SACS: variants seen among roughly 807,000 people sequenced by gnomAD.
SACS encodes the protein sacsin molecular chaperone, also known as sacsin.
A neutral mutation model predicts 348.0 loss-of-function variants in SACS; 197 were observed. The observed-to-expected ratio is 0.57, with a 90% CI of 0.50 to 0.64. The LOEUF is 0.64. Among genes scored for constraint, SACS ranks in the 30% least tolerant of loss-of-function variants. The probability of loss-of-function intolerance (pLI) is 0.00; values close to 1 mark genes in which losing one functional copy is unlikely to be tolerated. For missense variants in SACS, 4,999 were observed against 5,360.8 expected, an observed-to-expected ratio of 0.93 and a Z score of 2.11; for synonymous variants, 1,985 against 1,910.6, an observed-to-expected ratio of 1.04 and a Z score of -1.02.
intron 1 of SACS, among the ~76,000 whole-genome samples, chr13:23,429,564 C>G (rs1281178565): frequency 6.6e-6 from 1 of 151,638 alleles, no homozygotes; most frequent in Admixed American, 6.6e-5. Context: ...GGGGTTTCAC[C>G]GTGTTAGCCA....
chr13:23,419,841 C>T (rs985498567), intron 1 of SACS, among the ~76,000 whole-genome samples: 1 of 152,136 alleles, frequency 6.6e-6, no homozygotes. Flanking sequence ...GATTTTATTG[C>T]ATTTGGCCAG....
At chr13:23,424,425 T>A (rs1874080278) in intron 1 of SACS, among the ~76,000 whole-genome samples, 1 of 151,726 alleles carries the variant, frequency 6.6e-6, no homozygotes, top group South Asian at 2.1e-4. Flanking sequence ...CTTGGGAGGC[T>A]GAGGCAGGAG....
rs1868745945 is a variant in SACS at position 23,337,494 on chromosome 13, C to A, written c.6382G>T (p.Asp2128Tyr). ...GTAGAACCATAAGGGAATCTCCCAT[C>A]TTTAATATCAAATAACTTTGCAACT... ...GRVAKLFDIKDGRFPYGSTQD... is the reference protein window; with the variant it reads ...GRVAKLFDIKYGRFPYGSTQD... Residue 2128 changes from aspartate to tyrosine, a missense_variant, in exon 10 of 10, where the codon GAT becomes TAT. Asp to Tyr is a radical substitution (Grantham distance 160, BLOSUM62 -3). Coordinates refer to ENST00000382292, the MANE Select transcript of SACS (RefSeq NM_014363.6). The A allele has an allele frequency of 1.2e-6, 2 of 1,613,760 alleles. No homozygotes were observed. Among genetic ancestry groups the A allele is most frequent in the Non-Finnish European group, 1.7e-6 (2 of 1,179,902 alleles).
intron 2 of SACS, among the ~76,000 whole-genome samples, chr13:23,380,843 G>A (rs1434671899): frequency 6.6e-6 from 1 of 152,138 alleles, no homozygotes; most frequent in Non-Finnish European, 1.5e-5. Flanking sequence ...GATGACCCGA[G>A]GGGACATGCT....
In SACS at chr13:23,333,657, G is replaced by C. The variant is rs988686236; in HGVS notation, c.10219C>G (p.Leu3407Val). 49 of 1,613,662 alleles carry C rather than the reference G, an allele frequency of 3.0e-5. No homozygotes were observed. Among genetic ancestry groups the C allele is most frequent in the Non-Finnish European group, 3.9e-5 (46 of 1,179,794 alleles). Reference sequence around the variant, plus strand: ...GATTTATAGCACGGAAGTGACTTTAGAATTTTTATATCATCTTGGGACATC... The same window carrying C: ...GATTTATAGCACGGAAGTGACTTTACAATTTTTATATCATCTTGGGACATC... ...HLMSQDDIKI[L>V]KSLPCYKSIS... Residue 3407 changes from leucine (L) to valine (V), a missense_variant, in exon 10 of 10, where the codon CTA becomes GTA. Physicochemically the swap from Leu to Val is conservative, Grantham distance 32. Coordinates refer to ENST00000382292, the MANE Select transcript of SACS (RefSeq NM_014363.6).
intron 1 of SACS, among the ~76,000 whole-genome samples, chr13:23,429,376 T>TTTG (rs1874336213): frequency 9.1e-6 from 1 of 110,346 alleles, no homozygotes; most frequent in Non-Finnish European, 1.7e-5. Flanking sequence ...TTTTTTTTTT[T>TTTG]TTTTGAGACG....
intron 2 of SACS, among the ~76,000 whole-genome samples, chr13:23,380,290 C>CT (rs1872002983): frequency 6.6e-6 from 1 of 152,150 alleles, no homozygotes; most frequent in Admixed American, 6.5e-5. Flanking sequence ...GTAGCGCCCT[C>CT]TGAGCACTGC....
In SACS at chr13:23,341,274, T is replaced by A; in HGVS notation, c.2602A>T (p.Ile868Phe). ...ACAGCACTTGGTAATGGTGAATGAA[T>A]ATATTTTTTAATAAGCGGATGTTGT... ...SIQHPLIKKYIHSPLPSAVLQ... is the reference protein window; with the variant it reads ...SIQHPLIKKYFHSPLPSAVLQ... Residue 868 changes from isoleucine to phenylalanine, a missense_variant, in exon 10 of 10, where the codon ATT (isoleucine) becomes TTT (phenylalanine). Ile to Phe is a conservative substitution (Grantham distance 21, BLOSUM62 0). This residue lies in a region of SACS where 3,156 missense variants were observed against 3,380.1 expected (regional missense o/e 0.93). Coordinates refer to ENST00000382292, the MANE Select transcript of SACS (RefSeq NM_014363.6). 1.9e-6 allele frequency: 3 copies of A among 1,613,676 alleles called. No individual in the cohort carries two copies. The highest frequency in any genetic ancestry group is 2.5e-6 in the Non-Finnish European group (3 of 1,179,692).
chr13:23,346,088 C>T (rs1308733166), intron 9 of SACS, among the ~76,000 whole-genome samples: 1 of 152,164 alleles, frequency 6.6e-6, no homozygotes, highest in Non-Finnish European at 1.5e-5. Flanking sequence ...CTGTGGTCGC[C>T]TAACTTCACA....
At position 23,331,465 on chromosome 13, in the gene SACS, G is replaced by A; in HGVS notation, c.12411C>T (p.Asp4137=). Residue 4137 remains aspartate (D), a synonymous_variant, in exon 10 of 10, where the codon GAC becomes GAT. Coordinates refer to ENST00000382292, the MANE Select transcript of SACS (RefSeq NM_014363.6). ...AAGAGTCATATTTCACTCCTAAACT[G>A]TCAAGTTTCTCACCAATCCTGTAAA... is the stretch of plus-strand genomic sequence containing the variant. ...NDIYRIGEKL[D]SLGVKYDSSE... is the part of the protein sequence containing the mutation. The A allele has an allele frequency of 6.2e-7, 1 of 1,613,994 alleles. No homozygotes were observed. The highest frequency in any genetic ancestry group is 8.5e-7 in the Non-Finnish European group (1 of 1,179,926).
At chr13:23,345,321 C>G (rs567412064) in intron 9 of SACS, among the ~76,000 whole-genome samples, 1 of 152,254 alleles carries the variant, frequency 6.6e-6, no homozygotes, top group African/African-American at 2.4e-5. Context: ...AACAACCAAA[C>G]TAAAAAAGGA....
Position 23,354,425 on chromosome 13 carries a change from A to G in SACS, c.2093+94T>C, listed in dbSNP as rs1421879646. On this transcript the variant is annotated intron_variant, in intron 8 of 9. Transcript: ENST00000382292. ...CTTCCTAACTATAAAATCGACATAGAAAACCATTGAATTTCACAACAAAGG... is the reference window on the plus strand; with the variant it reads ...CTTCCTAACTATAAAATCGACATAGGAAACCATTGAATTTCACAACAAAGG... The G allele has an allele frequency of 1.1e-5, 12 of 1,091,188 alleles. No homozygotes were observed. The Admixed American group carries it at 1.5e-4, about 13-fold the overall frequency. 67.6% of individuals were successfully genotyped at this position (1,091,188 alleles called of 1,614,324 possible).
At chr13:23,415,505 A>T (rs1316096886) in intron 1 of SACS, among the ~76,000 whole-genome samples, 1 of 152,190 alleles carries the variant, frequency 6.6e-6, no homozygotes, top group African/African-American at 2.4e-5. Flanking sequence ...TTGAATCATT[A>T]TGTATGCTGT....
chr13:23,367,287 C>T (rs1240341550), intron 5 of SACS, among the ~76,000 whole-genome samples: 1 of 152,156 alleles, frequency 6.6e-6, no homozygotes, highest in Non-Finnish European at 1.5e-5. Context: ...TCCAACAGCC[C>T]AGTCTCACCA....
chr13:23,398,110 G>A (rs954353117), intron 2 of SACS, among the ~76,000 whole-genome samples: 3 of 152,092 alleles, frequency 2.0e-5, no homozygotes, highest in African/African-American at 7.2e-5. Context: ...AGAATCGCTT[G>A]AACCCAGGAG....
At chr13:23,426,568 A>T (rs1291684991) in intron 1 of SACS, among the ~76,000 whole-genome samples, 1 of 148,350 alleles carries the variant, frequency 6.7e-6, no homozygotes, top group African/African-American at 2.5e-5. Flanking sequence ...TGAACTCGGG[A>T]GGTGGAGGTT....
At chr13:23,376,048 C>G (rs1020009764) in intron 2 of SACS, among the ~76,000 whole-genome samples, 1 of 151,782 alleles carries the variant, frequency 6.6e-6, no homozygotes, top group Non-Finnish European at 1.5e-5. Context: ...GTTCTGTGCT[C>G]GGTTTTTGAG....
In SACS at chr13:23,337,846, C is replaced by A. The variant is rs769751841; in HGVS notation, c.6030G>T (p.Lys2010Asn). ...KRRDVGSAAF[K>N]IFLKYLKKTG... ...TCTTCTTGAGGTATTTCAAAAATATCTTGAAGGCTGCTGAACCAACATCTC... is the reference window on the plus strand; with the variant it reads ...TCTTCTTGAGGTATTTCAAAAATATATTGAAGGCTGCTGAACCAACATCTC... The change falls in exon 10 of 10, where the codon AAG becomes AAT. Residue 2010 changes from lysine to asparagine, a missense_variant. Lys to Asn is a moderately conservative substitution (Grantham distance 94). Transcript: ENST00000382292. 7.9e-5 allele frequency: 127 copies of A among 1,613,780 alleles called. No homozygotes were observed. Among genetic ancestry groups the A allele is most frequent in the Non-Finnish European group, 1.1e-4 (125 of 1,179,954 alleles).
rs2137602329 is a variant in SACS at position 23,336,621 on chromosome 13, C to A, written c.7255G>T (p.Glu2419Ter). The change falls in exon 10 of 10, where the codon GAG becomes TAG. Residue 2419 changes from glutamate to a stop codon, truncating the protein, a stop_gained. Coordinates refer to ENST00000382292, the MANE Select transcript of SACS (RefSeq NM_014363.6). LOFTEE classifies it high-confidence loss of function. ...ATTCGTCGGCAAAGCTGAAAATTCT[C>A]TTCTGTTATTTGCTTTGTTCCTCTT... ...QERGTKQITE[E>*]NFQLCRRIIS... 1 of 1,613,750 alleles carries A rather than the reference C, an allele frequency of 6.2e-7. No individual in the cohort carries two copies. Among genetic ancestry groups the A allele is most frequent in the Non-Finnish European group, 8.5e-7 (1 of 1,179,850 alleles).
Sources: gnomAD v4.1 joint callset for allele counts (sites outside exome capture counted in the v4.1 genomes callset) on GRCh38, gnomAD v4.1.1 for gene constraint, gnomAD v4.1.1 regional missense constraint, MANE v1.5 for transcripts, NCBI Gene and HGNC (gene_info 2026-07-23, HGNC 2026-07-21) for gene names.